NUP58: variants seen among roughly 807,000 people sequenced by gnomAD.
The protein encoded by NUP58 is nucleoporin 58, also known as nucleoporin p58/p45.
NUP58 carries 17 observed loss-of-function variants against 70.1 expected under a neutral mutation model. That is an observed-to-expected ratio of 0.24 (90% CI 0.17 to 0.36). NUP58 has a LOEUF of 0.36. Ranked by LOEUF, NUP58 falls within the 10% of genes least tolerant of loss-of-function variation. The pLI is 1.00. For synonymous variants in NUP58, 275 were observed against 257.6 expected (o/e 1.07, Z -0.65); for missense variants, 644 against 701.5 (o/e 0.92, Z 0.93).
intron 1 of NUP58, among the ~76,000 whole-genome samples, chr13:25,306,701 G>A (rs1430051985): frequency 1.3e-5 from 2 of 152,152 alleles, no homozygotes; most frequent in Non-Finnish European, 2.9e-5. Flanking sequence ...ACATAATTTT[G>A]GAAGTGTCAA....
At chr13:25,302,155 T>G (rs2137693312) in intron 1 of NUP58, among the ~76,000 whole-genome samples, 1 of 152,386 alleles carries the variant, frequency 6.6e-6, no homozygotes, top group East Asian at 1.9e-4. Flanking sequence ...AGTGGGGTCT[T>G]GACTGCGTGG....
intron 1 of NUP58, among the ~76,000 whole-genome samples, chr13:25,305,921 GTGTT>G (rs1206600748): frequency 5.3e-5 from 8 of 152,078 alleles, no homozygotes; most frequent in Admixed American, 3.9e-4. Flanking sequence ...ACAGTTATTT[GTGTT>G]GTTTATCCCC....
chr13:25,310,083 C>T (rs1163682971), intron 3 of NUP58: 7 of 336,586 alleles, frequency 2.1e-5, no homozygotes, highest in African/African-American at 1.1e-4. Flanking sequence ...TCCTCTGTTG[C>T]CCAGGCTGGA....
downstream of NUP58, among the ~76,000 whole-genome samples, chr13:25,345,523 G>A (rs1309735849): frequency 1.3e-5 from 2 of 150,982 alleles, no homozygotes; most frequent in African/African-American, 2.4e-5. Flanking sequence ...TTTCTTGCTG[G>A]TTCCCTATGA....
At chr13:25,321,759 A>G (rs1434048671) in intron 9 of NUP58, among the ~76,000 whole-genome samples, 1 of 152,144 alleles carries the variant, frequency 6.6e-6, no homozygotes, top group Admixed American at 6.5e-5. Context: ...TCTACTAAAA[A>G]TACAATAATT....
At chr13:25,315,939 A>G (rs1173508077) in intron 6 of NUP58, among the ~76,000 whole-genome samples, 1 of 152,114 alleles carries the variant, frequency 6.6e-6, no homozygotes, top group African/African-American at 2.4e-5. Flanking sequence ...GAAGTTACTT[A>G]TATTATGTGC....
intron 5 of NUP58, among the ~76,000 whole-genome samples, chr13:25,314,792 G>A (rs2030848761): frequency 1.3e-5 from 2 of 152,168 alleles, no homozygotes; most frequent in Admixed American, 1.3e-4. Flanking sequence ...AATGACTTAT[G>A]ATTAACCGTA....
intron 14 of NUP58, 119 bp from the exon 15 acceptor site, chr13:25,338,517 G>A: frequency 1.6e-6 from 1 of 635,116 alleles, no homozygotes; most frequent in Non-Finnish European, 2.8e-6. Context: ...TCCTTAATAA[G>A]GCCATGTTTT....
chr13:25,335,996 T>TA (rs2031767578), intron 13 of NUP58: 1 of 1,119,444 alleles, frequency 8.9e-7, no homozygotes, highest in Admixed American at 5.2e-5. Flanking sequence ...AATAGTAGTT[T>TA]AAAAGAGAGG....
At chr13:25,334,867 G>A (rs1169183035) in intron 13 of NUP58, 1 of 984,284 alleles carries the variant, frequency 1.0e-6, no homozygotes, top group Non-Finnish European at 1.2e-6. Flanking sequence ...TTTCACTTTG[G>A]CCAGTCATTG....
intron 3 of NUP58, chr13:25,349,453 A>G (rs2032083158): frequency 1.3e-5 from 2 of 152,522 alleles, no homozygotes; most frequent in African/African-American, 4.8e-5. Context: ...TGTGAAGATT[A>G]AAATGGTTTA....
chr13:25,328,999 A>G (rs1217981745), intron 12 of NUP58, among the ~76,000 whole-genome samples: 4 of 152,174 alleles, frequency 2.6e-5, no homozygotes, highest in Non-Finnish European at 5.9e-5. Context: ...TTGAAATGGT[A>G]GTGCACTTTA....
At chr13:25,324,377 C>T (rs1478970718) in intron 9 of NUP58, among the ~76,000 whole-genome samples, 1 of 152,118 alleles carries the variant, frequency 6.6e-6, no homozygotes, top group East Asian at 1.9e-4. Flanking sequence ...CTTGAAAAAA[C>T]ATTGGCTGGA....
rs2137745681 is a variant in NUP58, at chr13:25,313,662, C to G, written c.485C>G (p.Thr162Ser). The G allele has an allele frequency of 6.5e-7, 1 of 1,529,176 alleles. No homozygotes were observed. The highest frequency in any genetic ancestry group is 8.7e-7 in the Non-Finnish European group (1 of 1,151,510). The allele number at this position is 1,529,176 out of a possible 1,614,324, so 94.7% of individuals were successfully genotyped here. ...LNNLGGTTAT[T>S]TTASTGLSLG... Reference sequence around the variant, plus strand: ...AATTTGGGTGGGACAACAGCCACAACTACAACTGCATCAACAGGCCTCTCT... The same window carrying G: ...AATTTGGGTGGGACAACAGCCACAAGTACAACTGCATCAACAGGCCTCTCT... Residue 162 changes from threonine (T) to serine (S), a missense_variant, in exon 5 of 16, where the codon ACT becomes AGT. This residue lies in a region of NUP58 where 430 missense variants were observed against 409.2 expected (regional missense o/e 1.05). Transcript: ENST00000381736.
At chr13:25,336,257 T>C (rs1456906443) in intron 13 of NUP58, 1 of 1,366,310 alleles carries the variant, frequency 7.3e-7, no homozygotes, top group Non-Finnish European at 9.8e-7. Context: ...TAGAACTCAA[T>C]TATCACTTTT....
chr13:25,334,349 C>A, intron 13 of NUP58: 2 of 985,198 alleles, frequency 2.0e-6, no homozygotes. Flanking sequence ...TTTAAGAGTT[C>A]TTGATGTTTA....
chr13:25,331,071 T>G (rs2031585718), intron 12 of NUP58, among the ~76,000 whole-genome samples: 1 of 152,186 alleles, frequency 6.6e-6, no homozygotes, highest in African/African-American at 2.4e-5. Context: ...TATTTAAATA[T>G]TACTCTGTCT....
intron 7 of NUP58, among the ~76,000 whole-genome samples, chr13:25,319,658 A>G (rs2031096720): frequency 6.6e-6 from 1 of 152,078 alleles, no homozygotes; most frequent in African/African-American, 2.4e-5. Context: ...TGAACAACTC[A>G]TGGAACTTTA....
At chr13:25,315,941 A>G (rs2030911597) in intron 6 of NUP58, among the ~76,000 whole-genome samples, 1 of 152,120 alleles carries the variant, frequency 6.6e-6, no homozygotes, top group African/African-American at 2.4e-5. Flanking sequence ...AGTTACTTAT[A>G]TTATGTGCTT....
Sources: gnomAD v4.1 joint callset for allele counts (sites outside exome capture counted in the v4.1 genomes callset) on GRCh38, gnomAD v4.1.1 for gene constraint, gnomAD v4.1.1 regional missense constraint, MANE v1.5 for transcripts, NCBI Gene and HGNC (gene_info 2026-07-23, HGNC 2026-07-21) for gene names.